Variants in SMURF1 observed in about 807,000 individuals in gnomAD.
The protein encoded by SMURF1 is E3 ubiquitin-protein ligase SMURF1.
SMURF1 carries 44 observed loss-of-function variants against 98.0 expected under a neutral mutation model. The ratio of observed to expected loss-of-function variants is 0.45; its 90% CI spans 0.35 to 0.58. The LOEUF (loss-of-function observed/expected upper bound fraction) is 0.58, where lower values mean the gene tolerates loss of function less well. Ranked by LOEUF, SMURF1 falls within the 20% of genes least tolerant of loss-of-function variation. The probability of loss-of-function intolerance (pLI) is 0.00; values close to 1 mark genes in which losing one functional copy is unlikely to be tolerated. For missense variants in SMURF1, 687 were observed against 938.4 expected (o/e 0.73, Z 3.50); for synonymous variants, 396 against 374.9 (o/e 1.06, Z -0.65).
intron 3 of SMURF1, among the ~76,000 whole-genome samples, chr7:99,059,409 AAAT>A (rs1563010551): frequency 0.036 from 1,235 of 33,932 alleles, 52 homozygotes; most frequent in Middle Eastern, 0.043. Context: ...AAAAAAAATA[AAAT>A]AAAATAAAAT....
rs1473114031 is a variant in SMURF1, at chr7:99,051,373, C to T, written c.790G>A (p.Asp264Asn). 10 of 1,614,040 alleles carry T rather than the reference C, an allele frequency of 6.2e-6. No homozygotes were observed. Among genetic ancestry groups the T allele is most frequent in the South Asian group, 2.2e-5 (2 of 91,058 alleles). Residue 264 changes from aspartate (D) to asparagine (N), a missense_variant, in exon 8 of 18, where the codon GAC becomes AAC. Physicochemically the swap from Asp to Asn is conservative, Grantham distance 23. Transcript: ENST00000361368. ...GAGGCTTACCTTGGTATCCTGGGGT[C>T]GTGCCACGTGCTAACTCCAGTCTGT... is the stretch of plus-strand genomic sequence containing the variant. ...HTQTGVSTWH[D>N]PRIPRDLNSV...
At position 99,047,732 on chromosome 7, in the gene SMURF1, G is replaced by A. The variant is rs1382039369; in HGVS notation, c.1104C>T (p.Pro368=). 1 of 1,614,162 alleles carries A rather than the reference G, an allele frequency of 6.2e-7. No homozygotes were observed. Among genetic ancestry groups the A allele is most frequent in the Non-Finnish European group, 8.5e-7 (1 of 1,180,026 alleles). ...VLRHELSLQQ[P]QAGHCRIEVS... is the part of the protein sequence containing the mutation. ...CTTCGATGCGGCAATGACCAGCTTG[G>A]GGCTGCTGAAGCGACAGTTCGTGTC... Residue 368 remains proline (P), a synonymous_variant, in exon 10 of 18, where the codon CCC becomes CCT. Coordinates refer to ENST00000361368, the MANE Select transcript of SMURF1 (RefSeq NM_181349.3).
intron 1 of SMURF1, among the ~76,000 whole-genome samples, chr7:99,094,993 G>T (rs1310097361): frequency 6.6e-6 from 1 of 152,172 alleles, no homozygotes; most frequent in Non-Finnish European, 1.5e-5. Flanking sequence ...CCACTTCTGT[G>T]TGCACTGTCT....
intron 1 of SMURF1, among the ~76,000 whole-genome samples, chr7:99,109,693 T>C (rs566153599): frequency 5.9e-5 from 9 of 152,344 alleles, no homozygotes; most frequent in Admixed American, 1.3e-4. Flanking sequence ...CTGAAATGCC[T>C]GGAGTAGTTT....
chr7:99,036,980 C>A, intron 15 of SMURF1, 87 bp downstream of exon 15: 1 of 1,593,950 alleles, frequency 6.3e-7, no homozygotes, highest in Non-Finnish European at 8.6e-7. Flanking sequence ...GAAAGCGGCA[C>A]ACACTGCCCC....
At chr7:99,063,248 T>TC (rs1563012640) in intron 1 of SMURF1, among the ~76,000 whole-genome samples, 1 of 2,306 alleles carries the variant, frequency 4.3e-4, no homozygotes, top group Non-Finnish European at 1.2e-3. Context: ...TATTTATATA[T>TC]ATATATATAT....
intron 1 of SMURF1, among the ~76,000 whole-genome samples, chr7:99,127,458 G>A (rs1337626242): frequency 2.0e-5 from 3 of 152,078 alleles, no homozygotes; most frequent in Non-Finnish European, 4.4e-5. Flanking sequence ...TTGGAAGGCC[G>A]AGATGGGAGG....
At chr7:99,035,059 G>A (rs760894209) in intron 16 of SMURF1, among the ~76,000 whole-genome samples, 7 of 152,218 alleles carry the variant, frequency 4.6e-5, no homozygotes, top group South Asian at 4.1e-4. Flanking sequence ...CACTTCCGGC[G>A]ACCTCAGTGG....
chr7:99,084,532 GA>G (rs1183145262), intron 1 of SMURF1, among the ~76,000 whole-genome samples: 1 of 152,054 alleles, frequency 6.6e-6, no homozygotes, highest in African/African-American at 2.4e-5. Context: ...AAGAATCAGG[GA>G]ACTAGATATC....
At chr7:99,112,915 A>G (rs778263832) in intron 1 of SMURF1, among the ~76,000 whole-genome samples, 8 of 152,144 alleles carry the variant, frequency 5.3e-5, no homozygotes, top group South Asian at 2.1e-4. Flanking sequence ...TTGAACAGGT[A>G]AAAAATGAAG....
chr7:99,122,965 A>G (rs1797674225), intron 1 of SMURF1, among the ~76,000 whole-genome samples: 2 of 151,920 alleles, frequency 1.3e-5, no homozygotes, highest in Non-Finnish European at 2.9e-5. Flanking sequence ...GGTTCATGAA[A>G]CTGAACAGAA....
rs180904717 is a variant in SMURF1, at chr7:99,112,701, A to G, written c.55+31025T>C. Among the ~76,000 whole-genome samples the G allele has an allele frequency of 3.1e-3, 469 of 152,346 alleles. 2 individuals carry two copies. The highest frequency in any genetic ancestry group is 0.01 in the African/African-American group (436 of 41,582). On this transcript the variant is annotated intron_variant, in intron 1 of 17. Transcript: ENST00000361368. ...TACTAGACAAAGACTATTTAAATCA[A>G]TGGTCCTAAATATGCTTGAAGAGCT... is the stretch of plus-strand genomic sequence containing the variant.
chr7:99,094,721 G>A (rs1288423434), intron 1 of SMURF1, among the ~76,000 whole-genome samples: 2 of 150,514 alleles, frequency 1.3e-5, no homozygotes, highest in African/African-American at 4.9e-5. Context: ...TAAGAACAAA[G>A]CAACCACCCT....
In SMURF1 at chr7:99,063,264, T is replaced by G. The variant is rs1563012713; in HGVS notation, c.56-1427A>C. The stretch of plus-strand genomic sequence containing the variant: ...ATTTATATATATATATATATATATA[T>G]ATATATATATATATATATATATATA... On this transcript the variant is annotated intron_variant, in intron 1 of 17. Transcript: ENST00000361368. Among the ~76,000 whole-genome samples the G allele has an allele frequency of 1.0e-4, 7 of 69,102 alleles. No individual in the cohort carries two copies. In the East Asian group the frequency reaches 2.1e-3, roughly 21 times the overall value. The allele number at this position is 69,102 out of a possible 152,430, so 45.3% of individuals were successfully genotyped here.
intron 1 of SMURF1, among the ~76,000 whole-genome samples, chr7:99,067,677 C>G (rs1427244231): frequency 1.3e-5 from 2 of 152,154 alleles, no homozygotes; most frequent in Non-Finnish European, 2.9e-5. Flanking sequence ...TGAGGTCGGG[C>G]GCAGTGGCTC....
intron 1 of SMURF1, among the ~76,000 whole-genome samples, chr7:99,115,737 A>T (rs1797425310): frequency 6.6e-6 from 1 of 152,214 alleles, no homozygotes; most frequent in Admixed American, 6.5e-5. Context: ...AAAATTAAAA[A>T]TTTTTTAAAG....
chr7:99,045,688 A>G lies in SMURF1; in HGVS notation c.1256+10T>C. The G allele has an allele frequency of 1.2e-6, 2 of 1,605,782 alleles. No individual in the cohort carries two copies. The highest frequency in any genetic ancestry group is 8.5e-7 in the Non-Finnish European group (1 of 1,172,356). ...ACACAGCAGAGAAGGTGAATGAACAAGCAGCTCACCTGGCCACACCACCGT... is the reference window on the plus strand; with the variant it reads ...ACACAGCAGAGAAGGTGAATGAACAGGCAGCTCACCTGGCCACACCACCGT... On this transcript the variant is annotated intron_variant, in intron 11 of 17. Coordinates refer to ENST00000361368, the MANE Select transcript of SMURF1 (RefSeq NM_181349.3).
intron 1 of SMURF1, among the ~76,000 whole-genome samples, chr7:99,097,415 G>T (rs1228027196): frequency 6.6e-6 from 1 of 152,198 alleles, no homozygotes; most frequent in African/African-American, 2.4e-5. Context: ...TGTGCTGGGA[G>T]GTGGACCTCA....
At chr7:99,056,234 A>G (rs1300636120) in intron 5 of SMURF1, among the ~76,000 whole-genome samples, 1 of 151,994 alleles carries the variant, frequency 6.6e-6, no homozygotes, top group Non-Finnish European at 1.5e-5. Context: ...ACAGGACAAT[A>G]CCTAAAAGAT....
Sources: allele counts gnomAD v4.1 joint callset (sites outside exome capture counted in the v4.1 genomes callset), GRCh38; gene constraint gnomAD v4.1.1; transcripts MANE v1.5; gene names NCBI Gene and HGNC (gene_info 2026-07-23, HGNC 2026-07-21).